USP24: variants seen among roughly 807,000 people sequenced by gnomAD.
The protein encoded by USP24 is ubiquitin carboxyl-terminal hydrolase 24.
A neutral mutation model predicts 361.6 loss-of-function variants in USP24; 97 were observed. The ratio of observed to expected loss-of-function variants is 0.27; its 90% CI spans 0.23 to 0.32. USP24 has a LOEUF of 0.32. USP24 is among the 10% of genes least tolerant of loss of function. The pLI is 1.00. For missense variants in USP24, 2,353 were observed against 3,165.6 expected, an observed-to-expected ratio of 0.74 and a Z score of 6.16; for synonymous variants, 1,098 against 1,124.6, an observed-to-expected ratio of 0.98 and a Z score of 0.47.
At chr1:55,129,081 G>A (rs1646520029) in intron 32 of USP24, among the ~76,000 whole-genome samples, 1 of 152,168 alleles carries the variant, frequency 6.6e-6, no homozygotes. Context: ...ACCATCAGCT[G>A]CCTCTCAAAG....
intron 58 of USP24, among the ~76,000 whole-genome samples, chr1:55,083,043 C>A (rs1487618595): frequency 6.6e-6 from 1 of 152,058 alleles, no homozygotes; most frequent in Non-Finnish European, 1.5e-5. Context: ...CAGTCAGAAT[C>A]CACCTTTCCC....
intron 7 of USP24, among the ~76,000 whole-genome samples, chr1:55,165,390 G>A (rs1173756750): frequency 3.3e-5 from 5 of 152,100 alleles, no homozygotes; most frequent in African/African-American, 4.8e-5. Flanking sequence ...TTGAGAAAAT[G>A]AAGTTGATAT....
intron 17 of USP24, among the ~76,000 whole-genome samples, chr1:55,148,167 CT>C (rs1456688882): frequency 2.0e-5 from 3 of 151,498 alleles, no homozygotes; most frequent in Admixed American, 6.6e-5. Context: ...AAGCAACAAG[CT>C]TTTTAATCTT....
intron 65 of USP24, 93 bp downstream of exon 65, chr1:55,072,693 C>G: frequency 8.2e-7 from 1 of 1,214,558 alleles, no homozygotes; most frequent in Non-Finnish European, 1.2e-6. Context: ...ACTTTAAGGT[C>G]AGTCTCCATA....
chr1:55,147,598 A>G, intron 18 of USP24, 51 bp downstream of exon 18: 1 of 1,510,812 alleles, frequency 6.6e-7, no homozygotes, highest in South Asian at 1.3e-5. Flanking sequence ...TAAGTATAAA[A>G]AGGTCAAATT....
intron 24 of USP24, among the ~76,000 whole-genome samples, chr1:55,139,384 T>C (rs2100679841): frequency 6.6e-6 from 1 of 152,330 alleles, no homozygotes; most frequent in South Asian, 2.1e-4. Flanking sequence ...TGATATACAA[T>C]TCTGTGAACA....
intron 30 of USP24, among the ~76,000 whole-genome samples, chr1:55,133,269 T>C (rs1190730762): frequency 6.6e-6 from 1 of 152,216 alleles, no homozygotes; most frequent in Non-Finnish European, 1.5e-5. Flanking sequence ...AATATATGGA[T>C]AAATCCCTTA....
chr1:55,158,765 A>G (rs1647958989), intron 10 of USP24, 113 bp downstream of exon 10: 2 of 936,786 alleles, frequency 2.1e-6, no homozygotes, highest in Non-Finnish European at 2.8e-6. Flanking sequence ...TCTTTTTTAT[A>G]TGATTACAAT....
intron 1 of USP24, among the ~76,000 whole-genome samples, chr1:55,193,494 C>T (rs185180600): frequency 9.5e-4 from 144 of 152,244 alleles, no homozygotes; most frequent in African/African-American, 2.8e-3. Context: ...TACAGATCAT[C>T]GATTCCAGGA....
intron 47 of USP24, 64 bp from the exon 48 acceptor site, chr1:55,097,781 A>C: frequency 6.6e-7 from 1 of 1,509,110 alleles, no homozygotes; most frequent in Non-Finnish European, 8.8e-7. Flanking sequence ...ATAAAACAGC[A>C]CAGTAATTAA....
Position 55,101,718 on chromosome 1 carries a change from A to T in USP24, c.5026-15T>A, listed in dbSNP as rs1236418053. 2 of 1,591,270 alleles carry T rather than the reference A, an allele frequency of 1.3e-6. No homozygotes were observed. Among genetic ancestry groups the T allele is most frequent in the Non-Finnish European group, 1.7e-6 (2 of 1,171,202 alleles). On this transcript the variant is annotated splice_polypyrimidine_tract_variant and intron_variant, in intron 42 of 67. Transcript: ENST00000294383. ...GGGGGAAGGTACTGGAAAAGAGAGG[A>T]ATAGAAACAGCAGAGGAGAAGAATG... is the stretch of plus-strand genomic sequence containing the variant.
chr1:55,208,747 C>T (rs1049689293), intron 1 of USP24, among the ~76,000 whole-genome samples: 2 of 152,070 alleles, frequency 1.3e-5, no homozygotes, highest in East Asian at 3.9e-4. Context: ...ACCAGCCTGG[C>T]CAACATGGTG....
chr1:55,110,372 T>C (rs1421627491), intron 38 of USP24, 126 bp from the exon 39 acceptor site: 2 of 686,364 alleles, frequency 2.9e-6, no homozygotes, highest in Non-Finnish European at 4.7e-6. Flanking sequence ...ACTACTTTTA[T>C]ATTAACTCAA....
At chr1:55,069,141 G>A (rs368580675) in intron 67 of USP24, 34 bp from the exon 68 acceptor site, 119 of 1,611,544 alleles carry the variant, frequency 7.4e-5, no homozygotes, top group Non-Finnish European at 9.3e-5. Context: ...AAGTTCATAC[G>A]GTTAGAGAAA....
chr1:55,080,975 G>A (rs749716366), intron 59 of USP24, among the ~76,000 whole-genome samples: 1 of 152,080 alleles, frequency 6.6e-6, no homozygotes, highest in South Asian at 2.1e-4. Flanking sequence ...TCAGGTTCAC[G>A]AAACTAGGAG....
At chr1:55,124,098 C>G (rs575569243) in intron 35 of USP24, among the ~76,000 whole-genome samples, 1 of 152,144 alleles carries the variant, frequency 6.6e-6, no homozygotes, top group African/African-American at 2.4e-5. Context: ...TTTAAAGAGG[C>G]CTAATGAAAA....
intron 38 of USP24, among the ~76,000 whole-genome samples, chr1:55,116,993 G>GT (rs1646134288): frequency 6.6e-6 from 1 of 152,156 alleles, no homozygotes; most frequent in Non-Finnish European, 1.5e-5. Context: ...TACACCCCAT[G>GT]AACAAGTGGG....
At position 55,143,013 on chromosome 1, in the gene USP24, T is replaced by C. The variant is rs376779632; in HGVS notation, c.2546A>G (p.Tyr849Cys). 6 of 1,522,078 alleles carry C rather than the reference T, an allele frequency of 3.9e-6. No homozygotes were observed. The highest frequency in any genetic ancestry group is 2.6e-6 in the Non-Finnish European group (3 of 1,132,508). The allele number at this position is 1,522,078 out of a possible 1,614,324, so 94.3% of individuals were successfully genotyped here. A position where few individuals can be genotyped will look rare whatever the true frequency, so the allele number is the denominator to read the frequency against. ...TCTAGGATTTAGATTAATGTAACTA[T>C]AGTTTATGATTAGCTGAATAGCTTC... ...ANEAIQLIIN[Y>C]SYINLNPRLK... is the part of the protein sequence containing the mutation. Residue 849 changes from tyrosine to cysteine, a missense_variant, in exon 22 of 68, where the codon TAT becomes TGT. Tyr to Cys is a radical substitution (Grantham distance 194, BLOSUM62 -2). Coordinates refer to ENST00000294383, the MANE Select transcript of USP24 (RefSeq NM_015306.3).
intron 56 of USP24, among the ~76,000 whole-genome samples, chr1:55,085,380 A>G (rs1348789998): frequency 6.6e-6 from 1 of 152,228 alleles, no homozygotes; most frequent in Non-Finnish European, 1.5e-5. Flanking sequence ...GCCTCCAGCT[A>G]ATGTTTATAA....
Sources: gnomAD v4.1 joint callset for allele counts (sites outside exome capture counted in the v4.1 genomes callset) on GRCh38, gnomAD v4.1.1 for gene constraint, MANE v1.5 for transcripts, NCBI Gene and HGNC (gene_info 2026-07-23, HGNC 2026-07-21) for gene names.